The following PCDH7 variants were observed in gnomAD, a reference collection of about 807,000 sequenced individuals.
PCDH7 encodes the protein protocadherin-7.
PCDH7 carries 17 observed loss-of-function variants against 58.9 expected under a neutral mutation model. That is an observed-to-expected ratio of 0.29 (90% confidence interval 0.20 to 0.43). PCDH7 has a LOEUF of 0.43. Ranked by LOEUF, PCDH7 falls within the 20% of genes least tolerant of loss-of-function variation. The pLI is 1.00. For synonymous variants in PCDH7, 664 were observed against 616.4 expected, an observed-to-expected ratio of 1.08 and a Z score of -1.14; for missense variants, 1,274 against 1,441.0, an observed-to-expected ratio of 0.88 and a Z score of 1.88.
intron 3 of PCDH7, among the ~76,000 whole-genome samples, chr4:31,111,810 C>A (rs1189300661): frequency 1.3e-5 from 2 of 152,132 alleles, no homozygotes; most frequent in African/African-American, 2.4e-5. Context: ...TTTTTACATT[C>A]TTTTCTCTTA....
intron 1 of PCDH7, among the ~76,000 whole-genome samples, chr4:30,811,148 A>G (rs1007974758): frequency 6.6e-6 from 1 of 152,216 alleles, no homozygotes; most frequent in Non-Finnish European, 1.5e-5. Flanking sequence ...GAAGCTTCAA[A>G]CATTCCTTTC....
rs1716901481 is a variant in PCDH7, at chr4:31,115,646, C to A, written c.*8-26827C>A. On this transcript the variant is annotated intron_variant, in intron 3 of 3. Coordinates refer to the PCDH7 transcript ENST00000509759. ...AATTATCAATGTAATGTGATGAATT[C>A]TTTATTATGATTCACATAACTAGGA... Among the ~76,000 whole-genome samples, 4 of 152,156 alleles carry A rather than the reference C, an allele frequency of 2.6e-5. 1 individual carries two copies. Among genetic ancestry groups the A allele is most frequent in the Admixed American group, 2.6e-4 (4 of 15,278 alleles).
chr4:30,828,407 A>G (rs1008341802), intron 1 of PCDH7, among the ~76,000 whole-genome samples: 5 of 152,062 alleles, frequency 3.3e-5, no homozygotes, highest in African/African-American at 9.7e-5. Context: ...GAGCTTCTCT[A>G]CTTCCAGTGT....
At chr4:31,072,528 A>G (rs148180629) in intron 3 of PCDH7, among the ~76,000 whole-genome samples, 1 of 152,264 alleles carries the variant, frequency 6.6e-6, no homozygotes, top group East Asian at 1.9e-4. Flanking sequence ...TGCCAATAAA[A>G]GCTTCTTGGA....
At chr4:31,096,760 G>A (rs796188233) in intron 3 of PCDH7, among the ~76,000 whole-genome samples, 20 of 152,266 alleles carry the variant, frequency 1.3e-4, no homozygotes, top group African/African-American at 4.6e-4. Context: ...CAGATGGGCA[G>A]ATTCTGGGAT....
intron 1 of PCDH7, among the ~76,000 whole-genome samples, chr4:30,877,550 C>G (rs1736447807): frequency 6.6e-6 from 1 of 152,202 alleles, no homozygotes; most frequent in Non-Finnish European, 1.5e-5. Context: ...ATGGTCTAGA[C>G]AGATCACCTA....
At chr4:30,746,419 G>A (rs993732926) in intron 1 of PCDH7, among the ~76,000 whole-genome samples, 10 of 151,382 alleles carry the variant, frequency 6.6e-5, no homozygotes, top group African/African-American at 2.2e-4. Flanking sequence ...AGGGAGAGCA[G>A]GGGGTAGATG....
chr4:30,981,917 T>C (rs1436845209), intron 3 of PCDH7, among the ~76,000 whole-genome samples: 1 of 152,198 alleles, frequency 6.6e-6, no homozygotes, highest in East Asian at 1.9e-4. Flanking sequence ...TCTATTTCTA[T>C]TGGTACATGA....
At chr4:30,811,187 G>T (rs1189836519) in intron 1 of PCDH7, among the ~76,000 whole-genome samples, 1 of 152,184 alleles carries the variant, frequency 6.6e-6, no homozygotes, top group Non-Finnish European at 1.5e-5. Context: ...CTTTCTACTG[G>T]AAGAATATTT....
intron 3 of PCDH7, among the ~76,000 whole-genome samples, chr4:31,085,475 T>A (rs919774528): frequency 2.6e-5 from 4 of 152,202 alleles, no homozygotes; most frequent in African/African-American, 9.7e-5. Flanking sequence ...TGTTACTGTC[T>A]TTGTTTAAAC....
chr4:30,807,711 A>G (rs1468823408), intron 1 of PCDH7, among the ~76,000 whole-genome samples: 2 of 152,124 alleles, frequency 1.3e-5, no homozygotes, highest in Non-Finnish European at 2.9e-5. Flanking sequence ...TGATGGAGCA[A>G]AGGGCTAACC....
intron 1 of PCDH7, among the ~76,000 whole-genome samples, chr4:30,904,900 CT>C (rs1184809079): frequency 2.0e-5 from 3 of 152,222 alleles, no homozygotes; most frequent in Non-Finnish European, 4.4e-5. Context: ...ATTTGTCTGT[CT>C]TGATTCCTGT....
chr4:30,924,987 G>A (rs1027921859), intron 2 of PCDH7, among the ~76,000 whole-genome samples: 1 of 151,254 alleles, frequency 6.6e-6, no homozygotes, highest in African/African-American at 2.4e-5. Flanking sequence ...TTCATTTTAT[G>A]CCTCTTGATT....
intron 3 of PCDH7, among the ~76,000 whole-genome samples, chr4:31,085,853 CTT>C (rs10650645): frequency 1.8e-4 from 25 of 138,932 alleles, no homozygotes; most frequent in South Asian, 1.2e-3. Context: ...CTCTCTCTCT[CTT>C]TTTTTTTTTT....
intron 1 of PCDH7, among the ~76,000 whole-genome samples, chr4:30,872,561 C>T (rs1431828281): frequency 6.6e-6 from 1 of 151,882 alleles, no homozygotes; most frequent in Non-Finnish European, 1.5e-5. Flanking sequence ...TGGATTCAGG[C>T]ATAAGTAAAT....
chr4:31,036,964 C>A (rs1034149696), intron 3 of PCDH7, among the ~76,000 whole-genome samples: 3 of 152,084 alleles, frequency 2.0e-5, no homozygotes, highest in Non-Finnish European at 4.4e-5. Context: ...GACTTATTCA[C>A]TGTCACAAGA....
chr4:30,887,178 A>T (rs1426111572), intron 1 of PCDH7, among the ~76,000 whole-genome samples: 1 of 152,184 alleles, frequency 6.6e-6, no homozygotes, highest in Non-Finnish European at 1.5e-5. Context: ...TTCTTGGCAA[A>T]CATAGCAGTA....
At chr4:30,964,415 G>T (rs1280695181) in intron 3 of PCDH7, among the ~76,000 whole-genome samples, 1 of 151,626 alleles carries the variant, frequency 6.6e-6, no homozygotes, top group Non-Finnish European at 1.5e-5. Flanking sequence ...CTAATTTTTT[G>T]TATTTTTAGT....
intron 3 of PCDH7, among the ~76,000 whole-genome samples, chr4:30,957,374 A>G (rs574671807): frequency 6.6e-6 from 1 of 152,310 alleles, no homozygotes; most frequent in Non-Finnish European, 1.5e-5. Context: ...TCAGGATTTT[A>G]ATTCTTTGTG....
Sources: gnomAD v4.1 joint callset for allele counts (sites outside exome capture counted in the v4.1 genomes callset) on GRCh38, gnomAD v4.1.1 for gene constraint, MANE v1.5 for transcripts, NCBI Gene and HGNC (gene_info 2026-07-23, HGNC 2026-07-21) for gene names.